The following GSK3B variants were observed in gnomAD, a reference collection of about 807,000 sequenced individuals.
The protein encoded by GSK3B is glycogen synthase kinase 3 beta.
A neutral mutation model predicts 56.4 loss-of-function variants in GSK3B; 15 were observed. The ratio of observed to expected loss-of-function variants is 0.27; its 90% CI spans 0.18 to 0.41. The LOEUF (loss-of-function observed/expected upper bound fraction) is 0.41, where lower values mean the gene tolerates loss of function less well. Ranked by LOEUF, GSK3B falls within the 10% of genes least tolerant of loss-of-function variation. The pLI is 1.00. For synonymous variants in GSK3B, 181 were observed against 188.9 expected (o/e 0.96, Z 0.34); for missense variants, 300 against 513.4 (o/e 0.58, Z 4.02).
chr3:119,824,740 T>A lies in GSK3B; in HGVS notation c.*2048A>T, dbSNP rs2107989889. On this transcript the variant is annotated 3_prime_UTR_variant, in exon 11 of 11. Coordinates refer to ENST00000264235, the MANE Select transcript of GSK3B (RefSeq NM_001146156.2). ...GGTTTGACTGAGCATGTTTCCTTTCTCATAAACTCTGATATATCCAGAGGT... is the reference window on the plus strand; with the variant it reads ...GGTTTGACTGAGCATGTTTCCTTTCACATAAACTCTGATATATCCAGAGGT... The A allele has an allele frequency of 5.3e-6, 1 of 190,288 alleles. No homozygotes were observed. The highest frequency in any genetic ancestry group is 8.3e-5 in the East Asian group (1 of 12,022). The allele number at this position is 190,288 out of a possible 1,614,324, so 11.8% of individuals were successfully genotyped here.
At chr3:119,909,975 A>G (rs942427073) in intron 6 of GSK3B, among the ~76,000 whole-genome samples, 1 of 152,232 alleles carries the variant, frequency 6.6e-6, no homozygotes, top group Non-Finnish European at 1.5e-5. Context: ...ACTACTAGTG[A>G]TTTAAGCTGA....
intron 8 of GSK3B, among the ~76,000 whole-genome samples, chr3:119,868,010 A>G (rs1039668895): frequency 1.2e-4 from 18 of 152,150 alleles, no homozygotes; most frequent in Admixed American, 3.3e-4. Context: ...TGGCCAGCGA[A>G]GTATGCAGCA....
intron 9 of GSK3B, 116 bp from the exon 10 acceptor site, chr3:119,843,469 G>A (rs556731500): frequency 1.2e-5 from 6 of 487,576 alleles, no homozygotes; most frequent in African/African-American, 4.0e-5. Flanking sequence ...TATGCCGGGC[G>A]CAGTGGCTCA....
At chr3:119,921,871 C>A (rs1419812701) in intron 4 of GSK3B, among the ~76,000 whole-genome samples, 1 of 152,118 alleles carries the variant, frequency 6.6e-6, no homozygotes. Flanking sequence ...GGCGTGGTGG[C>A]TTGCGCCTGT....
chr3:119,954,262 T>C (rs1337849723), intron 2 of GSK3B, among the ~76,000 whole-genome samples: 14 of 144,894 alleles, frequency 9.7e-5, no homozygotes, highest in Admixed American at 9.0e-4. Flanking sequence ...TAGAATAGAA[T>C]AGAATAGAAT....
At chr3:120,073,242 A>AAG (rs1559901441) in intron 1 of GSK3B, among the ~76,000 whole-genome samples, 3 of 148,278 alleles carry the variant, frequency 2.0e-5, no homozygotes, top group African/African-American at 7.5e-5. Flanking sequence ...AAAAAAAAAA[A>AAG]GCCTGGCATG....
chr3:120,093,209 T>C, intron 1 of GSK3B, 138 bp downstream of exon 1: 1 of 604,640 alleles, frequency 1.7e-6, no homozygotes, highest in East Asian at 2.7e-5. Flanking sequence ...AGCTGCTTCA[T>C]CCTTGACTGA....
At chr3:119,957,931 A>C (rs1245281726) in intron 2 of GSK3B, among the ~76,000 whole-genome samples, 2 of 152,168 alleles carry the variant, frequency 1.3e-5, no homozygotes, top group Non-Finnish European at 2.9e-5. Flanking sequence ...ACAAGTATAC[A>C]AGTAGGCAAA....
Position 119,998,518 on chromosome 3 carries a change from G to A in GSK3B, c.282+3528C>T, listed in dbSNP as rs55849075. The stretch of plus-strand genomic sequence containing the variant: ...GCTAAGCCATGCCTGAATTTCCAAC[G>A]CACAGAAGCACTGAGATAATAAAAT... On this transcript the variant is annotated intron_variant, in intron 2 of 10. Coordinates refer to ENST00000264235, the MANE Select transcript of GSK3B (RefSeq NM_001146156.2). 4.9e-3 allele frequency among the ~76,000 whole-genome samples: 748 copies of A among 152,290 alleles called. 3 individuals are homozygous for A. Among genetic ancestry groups the A allele is most frequent in the African/African-American group, 0.017 (702 of 41,556 alleles).
At chr3:119,955,551 T>C (rs1381891985) in intron 2 of GSK3B, among the ~76,000 whole-genome samples, 1 of 152,208 alleles carries the variant, frequency 6.6e-6, no homozygotes, top group Non-Finnish European at 1.5e-5. Context: ...CTTATTAATT[T>C]GTAAAATTCT....
chr3:119,950,856 C>G (rs761459098), intron 2 of GSK3B, among the ~76,000 whole-genome samples: 1 of 152,188 alleles, frequency 6.6e-6, no homozygotes, highest in Non-Finnish European at 1.5e-5. Flanking sequence ...CCCCCTACAA[C>G]CACCCAACTC....
chr3:119,881,612 C>T (rs1245421980), intron 7 of GSK3B, among the ~76,000 whole-genome samples: 1 of 152,142 alleles, frequency 6.6e-6, no homozygotes, highest in African/African-American at 2.4e-5. Context: ...TTGTGATGTC[C>T]ATTAGTAAAT....
At chr3:120,030,962 T>C (rs1049419148) in intron 1 of GSK3B, among the ~76,000 whole-genome samples, 3 of 152,312 alleles carry the variant, frequency 2.0e-5, no homozygotes, top group Admixed American at 6.5e-5. Context: ...CAATACACTA[T>C]AAAAACTGCT....
At chr3:119,899,353 G>C (rs1389343257) in intron 7 of GSK3B, among the ~76,000 whole-genome samples, 1 of 152,076 alleles carries the variant, frequency 6.6e-6, no homozygotes, top group Non-Finnish European at 1.5e-5. Context: ...GATACCTGTG[G>C]ATATCAGGAG....
At chr3:119,915,527 T>C (rs190861885) in intron 5 of GSK3B, among the ~76,000 whole-genome samples, 9 of 152,236 alleles carry the variant, frequency 5.9e-5, no homozygotes, top group African/African-American at 2.2e-4. Context: ...ACACATGTAC[T>C]TGTGTATATA....
rs768381879 is a variant in GSK3B at position 120,002,186 on chromosome 3, G to T, written c.142C>A (p.Pro48Thr). The T allele has an allele frequency of 5.0e-6, 8 of 1,604,244 alleles. No homozygotes were observed. In the African/African-American group the frequency reaches 9.4e-5, roughly 19 times the overall value. The change falls in exon 2 of 11, where the codon CCA becomes ACA. Residue 48 changes from proline (P) to threonine (T), a missense_variant. Pro to Thr is a conservative substitution (Grantham distance 38). This residue lies in a region of GSK3B where 53 missense variants were observed against 64.6 expected (regional missense o/e 0.82). Coordinates refer to ENST00000264235, the MANE Select transcript of GSK3B (RefSeq NM_001146156.2). ...TTVVATPGQG[P>T]DRPQEVSYTD... ...TAGCTGACTTCTTGTGGCCTGTCTGGACCCTGCCCAGGAGTTGCCACCACT... is the reference window on the plus strand; with the variant it reads ...TAGCTGACTTCTTGTGGCCTGTCTGTACCCTGCCCAGGAGTTGCCACCACT...
rs565174152 is a variant in GSK3B, at chr3:119,895,648, C to T, written c.813+10107G>A. Among the ~76,000 whole-genome samples the T allele has an allele frequency of 5.9e-4, 90 of 152,230 alleles. 1 individual carries two copies. Among genetic ancestry groups the T allele is most frequent in the Non-Finnish European group, 1.0e-3 (71 of 68,008 alleles). On this transcript the variant is annotated intron_variant, in intron 7 of 10. Coordinates refer to ENST00000264235, the MANE Select transcript of GSK3B (RefSeq NM_001146156.2). ...CATATGGATCCAGTTGTCCAAGCAC[C>T]ATTTGTCAAAAAGACTATTGTTTCC...
chr3:119,964,694 T>C (rs1227514598), intron 2 of GSK3B, among the ~76,000 whole-genome samples: 1 of 152,208 alleles, frequency 6.6e-6, no homozygotes, highest in African/African-American at 2.4e-5. Flanking sequence ...ATAGGGCCTA[T>C]AATTAACAAG....
intron 10 of GSK3B, among the ~76,000 whole-genome samples, chr3:119,834,302 A>G (rs537547855): frequency 6.6e-6 from 1 of 152,372 alleles, no homozygotes; most frequent in South Asian, 2.1e-4. Flanking sequence ...AATTACTCAC[A>G]GAGAATCAAA....
Sources: allele counts gnomAD v4.1 joint callset (sites outside exome capture counted in the v4.1 genomes callset), GRCh38; gene constraint gnomAD v4.1.1; regional missense constraint gnomAD v4.1.1; transcripts MANE v1.5; gene names NCBI Gene and HGNC (gene_info 2026-07-23, HGNC 2026-07-21).